The following LAMA2 variants were observed in gnomAD, a reference collection of about 807,000 sequenced individuals.
LAMA2 encodes the protein laminin subunit alpha-2.
LAMA2 carries 269 observed loss-of-function variants against 364.8 expected under a neutral mutation model. The observed-to-expected ratio is 0.74, with a 90% CI of 0.67 to 0.82. The LOEUF (loss-of-function observed/expected upper bound fraction) is 0.82, where lower values mean the gene tolerates loss of function less well. Among genes scored for constraint, LAMA2 ranks in the 40% least tolerant of loss-of-function variants. The pLI, the probability that LAMA2 is intolerant of heterozygous loss-of-function variation, is 0.00. For synonymous variants in LAMA2, 1,379 were observed against 1,370.6 expected, an observed-to-expected ratio of 1.01 and a Z score of -0.14; for missense variants, 3,807 against 3,873.2, an observed-to-expected ratio of 0.98 and a Z score of 0.45.
chr6:128,924,667 G>T (rs2114497741), intron 1 of LAMA2, among the ~76,000 whole-genome samples: 2 of 152,164 alleles, frequency 1.3e-5, no homozygotes, highest in Middle Eastern at 6.8e-3. Flanking sequence ...GGTAGCTAGG[G>T]TGCCCCCCGT....
At chr6:129,269,845 A>G (rs985224431) in intron 16 of LAMA2, among the ~76,000 whole-genome samples, 1 of 152,178 alleles carries the variant, frequency 6.6e-6, no homozygotes. Flanking sequence ...TAAGGCAACT[A>G]TTCATAGTGA....
At chr6:129,144,633 T>G (rs1196287093) in intron 5 of LAMA2, among the ~76,000 whole-genome samples, 1 of 152,020 alleles carries the variant, frequency 6.6e-6, no homozygotes. Context: ...TCAAAAACTT[T>G]CCAGGTGATG....
At chr6:129,034,140 C>T (rs145178003) in intron 1 of LAMA2, among the ~76,000 whole-genome samples, 15 of 152,172 alleles carry the variant, frequency 9.9e-5, no homozygotes, top group African/African-American at 3.6e-4. Flanking sequence ...GGAAAATAGA[C>T]TTGAAGTTAG....
chr6:129,309,543 T>C (rs1347207109), intron 22 of LAMA2, among the ~76,000 whole-genome samples: 2 of 152,256 alleles, frequency 1.3e-5, no homozygotes, highest in African/African-American at 4.8e-5. Flanking sequence ...ATTATAGTTT[T>C]GATAACATGA....
chr6:129,222,498 CCACCCTACGA>C (rs1369656240), intron 12 of LAMA2, among the ~76,000 whole-genome samples: 3 of 118,816 alleles, frequency 2.5e-5, no homozygotes, highest in Admixed American at 1.9e-4. Flanking sequence ...CCCCCTCCCC[CCACCCTACGA>C]CAGGCCCCGG....
chr6:129,098,159 T>C lies in LAMA2; in HGVS notation c.397-14T>C. 3.7e-6 allele frequency: 6 copies of C among 1,613,860 alleles called. No individual in the cohort carries two copies. In the South Asian group the frequency reaches 5.5e-5, roughly 15 times the overall value. On this transcript the variant is annotated splice_polypyrimidine_tract_variant and intron_variant, in intron 3 of 64. Coordinates refer to ENST00000421865, the MANE Select transcript of LAMA2 (RefSeq NM_000426.4). ...TGGGAATTCAATGTTATTGTTGTTG[T>C]TATACTTCCCTAGGTGTTCCAGATC... is the stretch of plus-strand genomic sequence containing the variant.
intron 34 of LAMA2, among the ~76,000 whole-genome samples, chr6:129,374,864 C>T (rs995223567): frequency 4.0e-5 from 6 of 151,452 alleles, no homozygotes; most frequent in East Asian, 3.9e-4. Context: ...GGATTACAGG[C>T]GTGAGCCACC....
intron 1 of LAMA2, among the ~76,000 whole-genome samples, chr6:128,931,457 AT>A (rs1779472380): frequency 6.6e-6 from 1 of 152,202 alleles, no homozygotes; most frequent in South Asian, 2.1e-4. Context: ...TTAAGGTTGC[AT>A]TTTATTTTAA....
chr6:129,293,214 C>A (rs1431317162), intron 20 of LAMA2: 1 of 416,344 alleles, frequency 2.4e-6, no homozygotes, highest in East Asian at 1.6e-4. Context: ...TAATTGAACC[C>A]TTGCCCTTTT....
chr6:129,104,687 A>T (rs1480371451), intron 4 of LAMA2, among the ~76,000 whole-genome samples: 1 of 152,112 alleles, frequency 6.6e-6, no homozygotes, highest in African/African-American at 2.4e-5. Context: ...TCTTAATTGC[A>T]TCATCTCTGA....
intron 1 of LAMA2, among the ~76,000 whole-genome samples, chr6:128,906,667 T>C (rs1021002633): frequency 7.9e-5 from 12 of 152,170 alleles, no homozygotes; most frequent in African/African-American, 2.7e-4. Flanking sequence ...ATTTTGGCTT[T>C]TGTTGCCATT....
At chr6:129,326,745 T>TATATAATTTATATATATA (rs1562462288) in intron 28 of LAMA2, among the ~76,000 whole-genome samples, 2 of 142,624 alleles carry the variant, frequency 1.4e-5, no homozygotes, top group Non-Finnish European at 3.0e-5. Context: ...TTATATATTA[T>TATATAATTTATATATATA]ATATATAATT....
At chr6:129,171,882 T>A (rs1780182445) in intron 9 of LAMA2, among the ~76,000 whole-genome samples, 2 of 106,098 alleles carry the variant, frequency 1.9e-5, no homozygotes, top group Non-Finnish European at 3.8e-5. Flanking sequence ...TTCTTTTTAT[T>A]CTTTTTTCTC....
At chr6:129,497,334 C>T (rs1785269003) in intron 58 of LAMA2, among the ~76,000 whole-genome samples, 1 of 152,056 alleles carries the variant, frequency 6.6e-6, no homozygotes, top group Non-Finnish European at 1.5e-5. Context: ...ACCTCCCAGG[C>T]TCAGGCGATC....
At chr6:129,170,917 AC>A (rs1396152705) in intron 9 of LAMA2, among the ~76,000 whole-genome samples, 1 of 150,020 alleles carries the variant, frequency 6.7e-6, no homozygotes, top group African/African-American at 2.5e-5. Context: ...TGATCCCTTT[AC>A]CATTATGTAA....
intron 14 of LAMA2, among the ~76,000 whole-genome samples, chr6:129,257,962 T>C (rs1384029278): frequency 1.3e-5 from 2 of 152,102 alleles, no homozygotes; most frequent in South Asian, 4.1e-4. Flanking sequence ...CATCTATTCA[T>C]TTATTATTTA....
At chr6:129,192,311 A>C (rs1380804741) in intron 11 of LAMA2, among the ~76,000 whole-genome samples, 1 of 152,264 alleles carries the variant, frequency 6.6e-6, no homozygotes, top group African/African-American at 2.4e-5. Context: ...TACGGAACTG[A>C]AAGTCCAACT....
chr6:129,014,732 A>T (rs2114702316), intron 1 of LAMA2, among the ~76,000 whole-genome samples: 1 of 152,176 alleles, frequency 6.6e-6, no homozygotes, highest in East Asian at 1.9e-4. Flanking sequence ...ATTTCTTTGA[A>T]GCTAGACATG....
intron 1 of LAMA2, among the ~76,000 whole-genome samples, chr6:129,021,521 G>A (rs1030605512): frequency 6.6e-6 from 1 of 152,140 alleles, no homozygotes; most frequent in Non-Finnish European, 1.5e-5. Flanking sequence ...AAGCTCTCAT[G>A]TTATTTTTCT....
Sources: gnomAD v4.1 joint callset for allele counts (sites outside exome capture counted in the v4.1 genomes callset) on GRCh38, gnomAD v4.1.1 for gene constraint, MANE v1.5 for transcripts, NCBI Gene and HGNC (gene_info 2026-07-23, HGNC 2026-07-21) for gene names.